WDR37: variants seen among roughly 807,000 people sequenced by gnomAD.
The protein encoded by WDR37 is WD repeat-containing protein 37.
WDR37 carries 19 observed loss-of-function variants against 62.9 expected under a neutral mutation model. The observed-to-expected ratio is 0.30, with a 90% CI of 0.21 to 0.44. The LOEUF is 0.44. Among genes scored for constraint, WDR37 ranks in the 20% least tolerant of loss-of-function variants. The probability of loss-of-function intolerance (pLI) is 1.00; values close to 1 mark genes in which losing one functional copy is unlikely to be tolerated. For missense variants in WDR37, 474 were observed against 657.6 expected, an observed-to-expected ratio of 0.72 and a Z score of 3.05; for synonymous variants, 250 against 260.9, an observed-to-expected ratio of 0.96 and a Z score of 0.40.
chr10:1,071,430 G>A (rs950084207), intron 1 of WDR37, among the ~76,000 whole-genome samples: 4 of 152,194 alleles, frequency 2.6e-5, no homozygotes, highest in East Asian at 1.9e-4. Context: ...AGTAAGTAAC[G>A]TAGTGATATA....
At chr10:1,079,595 C>T (rs970158594) in intron 3 of WDR37, among the ~76,000 whole-genome samples, 7 of 151,330 alleles carry the variant, frequency 4.6e-5, no homozygotes, top group South Asian at 2.1e-4. Context: ...AGTGCTGTGG[C>T]GTGATCTCGG....
chr10:1,097,964 T>C lies in WDR37; in HGVS notation c.726+1718T>C, dbSNP rs1834647901. ...CCCAGTCCTGATTCAGGTGATGTTT[T>C]GTTGAGACTTGGGACTTCACACCTT... On this transcript the variant is annotated intron_variant, in intron 9 of 13. Transcript: ENST00000263150. Among the ~76,000 whole-genome samples the C allele has an allele frequency of 2.0e-5, 3 of 152,206 alleles. No individual in the cohort carries two copies. The South Asian group carries it at 6.2e-4, about 32-fold the overall frequency.
At chr10:1,088,645 CATA>C (rs1834281583) in intron 7 of WDR37, among the ~76,000 whole-genome samples, 1 of 146,764 alleles carries the variant, frequency 6.8e-6, no homozygotes, top group South Asian at 2.2e-4. Flanking sequence ...TATTAACAGA[CATA>C]ATAATAATGC....
chr10:1,102,737 T>G (rs1023042744), intron 9 of WDR37, among the ~76,000 whole-genome samples: 6 of 152,200 alleles, frequency 3.9e-5, no homozygotes, highest in African/African-American at 1.4e-4. Flanking sequence ...CAGTTCAGCA[T>G]GAGATTTGGG....
chr10:1,078,854 C>G (rs1160230258), intron 3 of WDR37, among the ~76,000 whole-genome samples: 2 of 152,178 alleles, frequency 1.3e-5, no homozygotes, highest in Non-Finnish European at 1.5e-5. Flanking sequence ...ACAATCAAGT[C>G]TTTCATGCTT....
intron 2 of WDR37, chr10:1,074,588 C>T: frequency 8.2e-7 from 1 of 1,212,586 alleles, no homozygotes; most frequent in Non-Finnish European, 1.1e-6. Context: ...GGTGCTCTGC[C>T]TTCCCCCTGC....
chr10:1,099,935 C>T (rs1327852703), intron 9 of WDR37, among the ~76,000 whole-genome samples: 2 of 95,614 alleles, frequency 2.1e-5, no homozygotes, highest in African/African-American at 3.8e-5. Context: ...CACTGATGCT[C>T]AGGAAATTCA....
chr10:1,074,542 C>A lies in WDR37; in HGVS notation c.138+2249C>A, dbSNP rs1056793431. The A allele has an allele frequency of 5.4e-6, 7 of 1,303,442 alleles. No individual in the cohort carries two copies. In the East Asian group the frequency reaches 3.9e-4, roughly 72 times the overall value. 80.7% of individuals were successfully genotyped at this position (1,303,442 alleles called of 1,614,324 possible). ...CCCCCGTGAGGTGCTCTGCCTTCCC[C>A]CTGCCCTGGGCGGGAGAGGTGAGTG... is the stretch of plus-strand genomic sequence containing the variant. On this transcript the variant is annotated intron_variant, in intron 2 of 13. Transcript: ENST00000263150.
intron 9 of WDR37, among the ~76,000 whole-genome samples, chr10:1,097,766 T>G (rs1382294916): frequency 6.6e-6 from 1 of 152,110 alleles, no homozygotes; most frequent in Non-Finnish European, 1.5e-5. Flanking sequence ...TTGGACTTGC[T>G]TGGGCCCCAC....
chr10:1,062,604 T>G (rs10903359), intron 1 of WDR37, among the ~76,000 whole-genome samples: 32,722 of 152,144 alleles, frequency 0.22, 3,491 homozygotes, highest in South Asian at 0.24. Context: ...CAAAACATAC[T>G]CCATAAACTA....
intron 8 of WDR37, among the ~76,000 whole-genome samples, chr10:1,095,548 G>A (rs966599986): frequency 5.3e-5 from 8 of 152,198 alleles, no homozygotes; most frequent in African/African-American, 1.9e-4. Context: ...GAGAAGCTGG[G>A]TGGCAGTGAA....
chr10:1,072,329 T>C (rs746551451), intron 2 of WDR37, 36 bp downstream of exon 2: 3 of 1,604,204 alleles, frequency 1.9e-6, no homozygotes, highest in South Asian at 1.1e-5. Flanking sequence ...ATTGATTGAT[T>C]GATTTTTGAG....
chr10:1,083,666 C>T (rs1834099635), intron 5 of WDR37, among the ~76,000 whole-genome samples: 1 of 152,228 alleles, frequency 6.6e-6, no homozygotes, highest in South Asian at 2.1e-4. Flanking sequence ...TTTTTCCTGA[C>T]AAGAGGGCAT....
chr10:1,103,940 C>A lies in WDR37; in HGVS notation c.961+104C>A. The A allele has an allele frequency of 8.6e-7, 1 of 1,159,328 alleles. No homozygotes were observed. The allele number at this position is 1,159,328 out of a possible 1,614,324, so 71.8% of individuals were successfully genotyped here. Reference sequence around the variant, plus strand: ...CTTACTTCTTGACCAGAATGAGTCTCTGTGTTCTTGGCTCTTCTGTGGTAA... The same window carrying A: ...CTTACTTCTTGACCAGAATGAGTCTATGTGTTCTTGGCTCTTCTGTGGTAA... On this transcript the variant is annotated intron_variant, in intron 10 of 13. Coordinates refer to ENST00000263150, the MANE Select transcript of WDR37 (RefSeq NM_014023.4). The surrounding 1 kb of genome is among the most constrained non-coding windows in gnomAD (Gnocchi z 6.3).
intron 1 of WDR37, among the ~76,000 whole-genome samples, chr10:1,059,883 C>G (rs1833319526): frequency 6.6e-6 from 1 of 152,156 alleles, no homozygotes; most frequent in Admixed American, 6.5e-5. Flanking sequence ...GCATTTCTGT[C>G]ACGCAGGCTG....
In WDR37 at chr10:1,121,422, C is replaced by T. The variant is rs938825212; in HGVS notation, c.1104-2796C>T. Among the ~76,000 whole-genome samples the T allele has an allele frequency of 3.9e-5, 6 of 152,126 alleles. No individual in the cohort carries two copies. Among genetic ancestry groups the T allele is most frequent in the African/African-American group, 9.7e-5 (4 of 41,414 alleles). On this transcript the variant is annotated intron_variant, in intron 11 of 13. Coordinates refer to ENST00000263150, the MANE Select transcript of WDR37 (RefSeq NM_014023.4). This position sits in a 1 kb window ranked among gnomAD's most constrained non-coding sequence, Gnocchi z 4.5. ...CCTCATTGTAACCTTCTCACTGAAG[C>T]GTGGCAGCGTCTGATTTATAGTCAA...
At chr10:1,102,414 G>C (rs970193684) in intron 9 of WDR37, among the ~76,000 whole-genome samples, 2 of 152,196 alleles carry the variant, frequency 1.3e-5, no homozygotes, top group African/African-American at 2.4e-5. Context: ...ACTTGAGACA[G>C]GGTAATTTAT....
chr10:1,091,989 G>T (rs1241894174), intron 7 of WDR37, among the ~76,000 whole-genome samples: 1 of 151,234 alleles, frequency 6.6e-6, no homozygotes, highest in Non-Finnish European at 1.5e-5. Flanking sequence ...GACCATCTTG[G>T]CTAACACGGT....
chr10:1,100,409 G>T (rs554766398), intron 9 of WDR37, among the ~76,000 whole-genome samples: 14 of 151,456 alleles, frequency 9.2e-5, no homozygotes, highest in African/African-American at 3.4e-4. Flanking sequence ...ATGAAATGAG[G>T]CTCCTTAGGT....
Sources: gnomAD v4.1 joint callset for allele counts (sites outside exome capture counted in the v4.1 genomes callset) on GRCh38, gnomAD v4.1.1 for gene constraint, Gnocchi (gnomAD v3.1) non-coding constraint, MANE v1.5 for transcripts, NCBI Gene and HGNC (gene_info 2026-07-23, HGNC 2026-07-21) for gene names.